ALMS1: variants seen among roughly 807,000 people sequenced by gnomAD.
ALMS1 encodes ALMS1 centrosome and basal body associated protein.
A neutral mutation model predicts 352.2 loss-of-function variants in ALMS1; 271 were observed. The ratio of observed to expected loss-of-function variants is 0.77; its 90% CI spans 0.70 to 0.85. The LOEUF is 0.85. Ranked by LOEUF, ALMS1 falls within the 40% of genes least tolerant of loss-of-function variation. ALMS1 has a pLI of 0.00. For missense variants in ALMS1, 5,445 were observed against 4,870.7 expected (o/e 1.12, Z -3.51); for synonymous variants, 1,865 against 1,761.2 (o/e 1.06, Z -1.48).
At position 73,454,039 on chromosome 2, in the gene ALMS1, G is replaced by A; in HGVS notation, c.7512G>A (p.Glu2504=). Residue 2504 remains glutamate (E), a synonymous_variant, in exon 8 of 23, where the codon GAG becomes GAA. Coordinates refer to ENST00000613296, the MANE Select transcript of ALMS1 (RefSeq NM_001378454.1). ...CTAAAGAAATACTCAGAAATGCAGA[G>A]GAAGAGGAAAGCCGGGTACGAGCAC... is the stretch of plus-strand genomic sequence containing the variant. ...NHAKEILRNA[E]EEESRVRAHA... is the part of the protein sequence containing the mutation. The A allele has an allele frequency of 6.2e-7, 1 of 1,612,746 alleles. No individual in the cohort carries two copies. Among genetic ancestry groups the A allele is most frequent in the Non-Finnish European group, 8.5e-7 (1 of 1,179,376 alleles).
At chr2:73,532,252 C>G (rs145320926) in intron 11 of ALMS1, among the ~76,000 whole-genome samples, 1 of 152,270 alleles carries the variant, frequency 6.6e-6, no homozygotes, top group East Asian at 1.9e-4. Context: ...TGGATACTGC[C>G]TATGTTTGTT....
At chr2:73,399,850 A>G (rs1364374264) in intron 1 of ALMS1, among the ~76,000 whole-genome samples, 2 of 151,308 alleles carry the variant, frequency 1.3e-5, no homozygotes, top group Non-Finnish European at 2.9e-5. Context: ...TATCGTGAAG[A>G]GGTTGTCAAA....
At chr2:73,557,066 T>C (rs1674561067) in intron 13 of ALMS1, among the ~76,000 whole-genome samples, 154 bp from the exon 14 acceptor site, 1 of 152,232 alleles carries the variant, frequency 6.6e-6, no homozygotes, top group Non-Finnish European at 1.5e-5. Context: ...TTTCAATTCA[T>C]GTCACAGTTT....
At chr2:73,571,767 A>G (rs1469192175) in intron 15 of ALMS1, among the ~76,000 whole-genome samples, 1 of 152,200 alleles carries the variant, frequency 6.6e-6, no homozygotes, top group Non-Finnish European at 1.5e-5. Flanking sequence ...CAGAAAAGGA[A>G]TTTCAAAGGG....
intron 12 of ALMS1, among the ~76,000 whole-genome samples, chr2:73,547,349 G>A (rs769343153): frequency 1.3e-5 from 2 of 152,224 alleles, no homozygotes; most frequent in African/African-American, 4.8e-5. Context: ...ACCTGGTAAA[G>A]ATTAAAGCAG....
chr2:73,502,502 GAGAGT>G (rs1186614666), intron 10 of ALMS1, among the ~76,000 whole-genome samples: 2 of 152,238 alleles, frequency 1.3e-5, no homozygotes, highest in East Asian at 3.9e-4. Context: ...TGGAGGGCAG[GAGAGT>G]AGAGTAGTGT....
chr2:73,530,469 C>A (rs1673885386), intron 11 of ALMS1, among the ~76,000 whole-genome samples: 1 of 152,334 alleles, frequency 6.6e-6, no homozygotes, highest in Non-Finnish European at 1.5e-5. Context: ...GGCAGCTCCA[C>A]CCCTGAGGTT....
chr2:73,447,938 T>G, intron 7 of ALMS1, 22 bp from the exon 8 acceptor site: 1 of 1,592,176 alleles, frequency 6.3e-7, no homozygotes, highest in Non-Finnish European at 8.6e-7. Flanking sequence ...TATATACTAT[T>G]AACAAATCTC....
chr2:73,603,642 A>G (rs1168680674), intron 21 of ALMS1: 12 of 333,922 alleles, frequency 3.6e-5, no homozygotes, highest in Non-Finnish European at 6.4e-5. Flanking sequence ...TGCAGATCAC[A>G]TGAGGTTAGG....
chr2:73,517,246 C>CTTTTTT lies in ALMS1; in HGVS notation c.9540-2517_9540-2512dup, dbSNP rs770879267. Among the ~76,000 whole-genome samples, 153 of 104,950 alleles carry CTTTTTT rather than the reference C, an allele frequency of 1.5e-3. 3 individuals carry two copies. Among genetic ancestry groups the CTTTTTT allele is most frequent in the Non-Finnish European group, 2.0e-3 (112 of 57,396 alleles). 68.9% of individuals were successfully genotyped at this position (104,950 alleles called of 152,430 possible). On this transcript the variant is annotated intron_variant, in intron 10 of 22. Transcript: ENST00000613296. The stretch of plus-strand genomic sequence containing the variant: ...CAAGTGATTTTTTGAAAGTTTTAGT[C>CTTTTTT]TTTTTTTTTTTTTTTTTCTTATAGA...
chr2:73,551,149 G>T (rs1438965615), intron 13 of ALMS1, among the ~76,000 whole-genome samples: 1 of 152,074 alleles, frequency 6.6e-6, no homozygotes, highest in Non-Finnish European at 1.5e-5. Context: ...ATGAACCACC[G>T]CATCCAGCCC....
At chr2:73,599,581 A>C (rs1261355168) in intron 17 of ALMS1, 60 bp downstream of exon 17, 9 of 1,543,852 alleles carry the variant, frequency 5.8e-6, no homozygotes, top group Non-Finnish European at 8.0e-6. Flanking sequence ...TTAAACATGT[A>C]AGATACTCAA....
intron 14 of ALMS1, 135 bp downstream of exon 14, chr2:73,557,489 TATGAAA>T: frequency 4.4e-6 from 5 of 1,127,800 alleles, no homozygotes; most frequent in Non-Finnish European, 6.5e-6. Flanking sequence ...CTCATGTATA[TATGAAA>T]TAGTTAAGGT....
intron 11 of ALMS1, among the ~76,000 whole-genome samples, chr2:73,521,523 T>C (rs1673674817): frequency 6.8e-6 from 1 of 146,312 alleles, no homozygotes; most frequent in Admixed American, 7.1e-5. Flanking sequence ...GATCACGAGG[T>C]CAGGAGATCG....
At position 73,448,496 on chromosome 2, in the gene ALMS1, C is replaced by G. The variant is rs1371488235; in HGVS notation, c.1969C>G (p.Gln657Glu). The G allele has an allele frequency of 1.9e-6, 3 of 1,613,774 alleles. No homozygotes were observed. The African/African-American group carries it at 4.0e-5, about 22-fold the overall frequency. ...EVSAAPGPVE[Q>E]KTGIPTVSST... ...TTCAGCTGCTCCTGGCCCAGTGGAG[C>G]AGAAGACGGGAATACCTACAGTATC... Residue 657 changes from glutamine (Q) to glutamate (E), a missense_variant, in exon 8 of 23, where the codon CAG becomes GAG. By Grantham distance (29) the Gln-to-Glu change is conservative. Coordinates refer to ENST00000613296, the MANE Select transcript of ALMS1 (RefSeq NM_001378454.1).
chr2:73,431,035 T>C (rs1047571986), intron 6 of ALMS1, among the ~76,000 whole-genome samples: 3 of 152,172 alleles, frequency 2.0e-5, no homozygotes, highest in Admixed American at 6.5e-5. Flanking sequence ...AGCAGCCTTA[T>C]CATTTTGAGT....
rs2104057087 is a variant in ALMS1 at position 73,385,915 on chromosome 2, AGGAGG to A, written c.48_52del (p.Glu17GlyfsTer108). On this transcript the variant is annotated frameshift_variant, in exon 1 of 23. Coordinates refer to ENST00000613296, the MANE Select transcript of ALMS1 (RefSeq NM_001378454.1). LOFTEE classifies it high-confidence loss of function. ...TGGCCGGGCGAGCTGGAGGAGGAGG[AGGAGG>A]AGGAGGAGGAGGAGGAGGAGGAAGA... 2.4e-6 allele frequency: 2 copies of A among 825,136 alleles called. No homozygotes were observed. The highest frequency in any genetic ancestry group is 1.8e-5 in the African/African-American group (1 of 54,152). 51.1% of individuals were successfully genotyped at this position (825,136 alleles called of 1,614,324 possible).
At chr2:73,444,748 T>G (rs1457488023) in intron 7 of ALMS1, among the ~76,000 whole-genome samples, 1 of 152,172 alleles carries the variant, frequency 6.6e-6, no homozygotes, top group Non-Finnish European at 1.5e-5. Flanking sequence ...TATATTTACG[T>G]CCACTGTGGT....
At chr2:73,414,867 T>G (rs1449023114) in intron 2 of ALMS1, among the ~76,000 whole-genome samples, 1 of 152,158 alleles carries the variant, frequency 6.6e-6, no homozygotes. Flanking sequence ...GCATAATGTT[T>G]TAACACTTTT....
Sources: gnomAD v4.1 joint callset for allele counts (sites outside exome capture counted in the v4.1 genomes callset) on GRCh38, gnomAD v4.1.1 for gene constraint, MANE v1.5 for transcripts, NCBI Gene and HGNC (gene_info 2026-07-23, HGNC 2026-07-21) for gene names.